The following TWSG1 variants were observed in gnomAD, a reference collection of about 807,000 sequenced individuals.
The protein encoded by TWSG1 is twisted gastrulation protein homolog 1.
In TWSG1, 15 loss-of-function variants were observed where a neutral mutation model predicts 23.0. The ratio of observed to expected loss-of-function variants is 0.65; its 90% confidence interval spans 0.44 to 1.00. The LOEUF (loss-of-function observed/expected upper bound fraction) is 1.00, where lower values mean the gene tolerates loss of function less well. Ranked by LOEUF, TWSG1 falls within the 50% of genes least tolerant of loss-of-function variation. The probability of loss-of-function intolerance (pLI) is 0.00; values close to 1 mark genes in which losing one functional copy is unlikely to be tolerated. For missense variants in TWSG1, 242 were observed against 278.7 expected, an observed-to-expected ratio of 0.87 and a Z score of 0.94; for synonymous variants, 86 against 92.8, an observed-to-expected ratio of 0.93 and a Z score of 0.42.
intron 2 of TWSG1, among the ~76,000 whole-genome samples, chr18:9,340,676 G>A (rs1293099247): frequency 6.6e-6 from 1 of 152,154 alleles, no homozygotes; most frequent in African/African-American, 2.4e-5. Context: ...TCTGTTCCAC[G>A]TGGCATTAGC....
chr18:9,354,517 G>A (rs1017478498), intron 2 of TWSG1, among the ~76,000 whole-genome samples: 6 of 152,116 alleles, frequency 3.9e-5, no homozygotes, highest in African/African-American at 9.7e-5. Context: ...CAACTCTACC[G>A]TATTTTCTGT....
At chr18:9,398,961 TCA>T (rs1361353978) in intron 4 of TWSG1, among the ~76,000 whole-genome samples, 1 of 151,044 alleles carries the variant, frequency 6.6e-6, no homozygotes, top group Non-Finnish European at 1.5e-5. Flanking sequence ...TGAGCCAAGA[TCA>T]CACCACTGCA....
chr18:9,381,069 C>T (rs551518198), intron 3 of TWSG1, among the ~76,000 whole-genome samples: 5 of 152,316 alleles, frequency 3.3e-5, no homozygotes, highest in South Asian at 4.1e-4. Flanking sequence ...AAACTAAACA[C>T]ACCCTCTGGA....
intron 3 of TWSG1, among the ~76,000 whole-genome samples, chr18:9,375,227 G>GA (rs146550592): frequency 0.27 from 37,041 of 136,794 alleles, 4,731 homozygotes; most frequent in East Asian, 0.3. Context: ...AGTTAAAAAA[G>GA]AAAAAAAAAT....
chr18:9,335,702 G>A (rs763125314), intron 1 of TWSG1, among the ~76,000 whole-genome samples: 8 of 152,162 alleles, frequency 5.3e-5, no homozygotes, highest in Non-Finnish European at 1.0e-4. Flanking sequence ...ACGGTCTTTA[G>A]GGAATGCTTT....
intron 3 of TWSG1, among the ~76,000 whole-genome samples, chr18:9,374,566 C>T (rs376187912): frequency 6.6e-6 from 1 of 152,122 alleles, no homozygotes; most frequent in East Asian, 1.9e-4. Context: ...AAGTACCAGA[C>T]CCAATGGGTT....
At chr18:9,373,857 G>A (rs527826144) in intron 3 of TWSG1, among the ~76,000 whole-genome samples, 1 of 152,240 alleles carries the variant, frequency 6.6e-6, no homozygotes, top group African/African-American at 2.4e-5. Flanking sequence ...TACAATGTCT[G>A]CTCTCAGACT....
chr18:9,361,953 G>C (rs548610639), intron 3 of TWSG1, among the ~76,000 whole-genome samples: 1 of 152,320 alleles, frequency 6.6e-6, no homozygotes, highest in Non-Finnish European at 1.5e-5. Context: ...TGTGAAGACT[G>C]CTCAGTCAGG....
intron 3 of TWSG1, among the ~76,000 whole-genome samples, chr18:9,383,309 T>A (rs951343970): frequency 6.7e-6 from 1 of 150,342 alleles, no homozygotes; most frequent in African/African-American, 2.4e-5. Context: ...TTCTCCTGCC[T>A]CAGCCTCCTG....
intron 3 of TWSG1, among the ~76,000 whole-genome samples, chr18:9,376,271 G>A (rs1330008217): frequency 2.6e-5 from 4 of 152,122 alleles, no homozygotes; most frequent in Non-Finnish European, 4.4e-5. Context: ...TTATCTTATG[G>A]ATATTGACAA....
At chr18:9,397,875 A>G (rs1423042138) in intron 4 of TWSG1, among the ~76,000 whole-genome samples, 5 of 152,030 alleles carry the variant, frequency 3.3e-5, no homozygotes, top group Admixed American at 1.3e-4. Context: ...GTGGTAGCAC[A>G]TGCCTGTAAT....
chr18:9,369,627 T>C (rs1044856298), intron 3 of TWSG1, among the ~76,000 whole-genome samples: 1 of 151,894 alleles, frequency 6.6e-6, no homozygotes, highest in Non-Finnish European at 1.5e-5. Context: ...TTTGAGTTCC[T>C]TTTTTTTGCT....
At chr18:9,358,485 G>T (rs573928175) in intron 2 of TWSG1, among the ~76,000 whole-genome samples, 1 of 152,218 alleles carries the variant, frequency 6.6e-6, no homozygotes, top group Admixed American at 6.5e-5. Flanking sequence ...AGACAGGGTG[G>T]GAATCAAAGG....
intron 3 of TWSG1, among the ~76,000 whole-genome samples, chr18:9,375,557 T>A (rs1417411359): frequency 1.3e-5 from 2 of 152,202 alleles, no homozygotes; most frequent in African/African-American, 4.8e-5. Context: ...CTATCTTTGT[T>A]TGAAGATGAC....
chr18:9,347,958 C>T (rs950622912), intron 2 of TWSG1, among the ~76,000 whole-genome samples: 6 of 151,808 alleles, frequency 4.0e-5, no homozygotes, highest in African/African-American at 1.2e-4. Flanking sequence ...ATCTTTTTTT[C>T]TTTTATGTCT....
intron 4 of TWSG1, 44 bp from the exon 5 acceptor site, chr18:9,399,302 T>G: frequency 6.9e-7 from 1 of 1,457,144 alleles, no homozygotes; most frequent in Non-Finnish European, 9.2e-7. Context: ...ATTTTTTTGT[T>G]TTTCTTCTTT....
At chr18:9,378,010 A>G (rs1471565006) in intron 3 of TWSG1, among the ~76,000 whole-genome samples, 1 of 152,230 alleles carries the variant, frequency 6.6e-6, no homozygotes, top group Non-Finnish European at 1.5e-5. Flanking sequence ...TGAGCCTGGC[A>G]GTGACTTTTT....
chr18:9,397,319 C>A (rs1353493225), intron 4 of TWSG1, among the ~76,000 whole-genome samples: 1 of 152,196 alleles, frequency 6.6e-6, no homozygotes, highest in Non-Finnish European at 1.5e-5. Context: ...ATGCCAAAGT[C>A]ATTAGCTAAA....
At chr18:9,383,206 T>G (rs1335832346) in intron 3 of TWSG1, among the ~76,000 whole-genome samples, 8 of 149,318 alleles carry the variant, frequency 5.4e-5, no homozygotes, top group South Asian at 4.3e-4. Flanking sequence ...TTTTTTTTTT[T>G]TTTTTTGAGA....
Sources: gnomAD v4.1 joint callset for allele counts (sites outside exome capture counted in the v4.1 genomes callset) on GRCh38, gnomAD v4.1.1 for gene constraint, MANE v1.5 for transcripts, NCBI Gene and HGNC (gene_info 2026-07-23, HGNC 2026-07-21) for gene names.